Variants in FRMD4A observed in about 807,000 individuals in gnomAD.
FRMD4A encodes the protein FERM domain containing 4A.
Under a neutral mutation model 129.1 loss-of-function variants are expected in FRMD4A, and 29 were observed. The ratio of observed to expected loss-of-function variants is 0.22; its 90% CI spans 0.17 to 0.31. FRMD4A has a LOEUF of 0.31. FRMD4A is among the 10% of genes least tolerant of loss of function. The pLI is 1.00. For synonymous variants in FRMD4A, 634 were observed against 571.6 expected, an observed-to-expected ratio of 1.11 and a Z score of -1.56; for missense variants, 1,272 against 1,375.8, an observed-to-expected ratio of 0.92 and a Z score of 1.19.
intron 6 of FRMD4A, among the ~76,000 whole-genome samples, chr10:13,769,556 C>A (rs1284952987): frequency 1.3e-5 from 2 of 152,016 alleles, no homozygotes; most frequent in Admixed American, 1.3e-4. Flanking sequence ...GTGATCCACC[C>A]ACCTCGGCCT....
chr10:14,061,536 T>C (rs1001628429), intron 2 of FRMD4A, among the ~76,000 whole-genome samples: 5 of 152,188 alleles, frequency 3.3e-5, no homozygotes, highest in Non-Finnish European at 4.4e-5. Context: ...GCTCATGACG[T>C]AAACCTAAGT....
intron 2 of FRMD4A, among the ~76,000 whole-genome samples, chr10:14,094,273 G>T (rs1294273013): frequency 6.6e-6 from 1 of 152,226 alleles, no homozygotes; most frequent in Non-Finnish European, 1.5e-5. Context: ...TAAGGGCTTG[G>T]TATAGAGAAA....
chr10:14,104,471 C>T (rs1460287685), intron 2 of FRMD4A, among the ~76,000 whole-genome samples: 1 of 152,222 alleles, frequency 6.6e-6, no homozygotes, highest in Non-Finnish European at 1.5e-5. Context: ...AAGCGGGTTT[C>T]CTTTCTTTCC....
At chr10:13,858,277 T>C (rs1349662966) in intron 3 of FRMD4A, among the ~76,000 whole-genome samples, 1 of 151,958 alleles carries the variant, frequency 6.6e-6, no homozygotes, top group Non-Finnish European at 1.5e-5. Flanking sequence ...CAACTAAAAA[T>C]ATAAAAAATT....
At chr10:13,726,577 G>A (rs1481091304) in intron 12 of FRMD4A, among the ~76,000 whole-genome samples, 4 of 152,140 alleles carry the variant, frequency 2.6e-5, no homozygotes, top group East Asian at 1.9e-4. Flanking sequence ...ATTAGATTGC[G>A]GAGTCCCATC....
At chr10:14,189,846 A>G (rs1312587450) in intron 2 of FRMD4A, among the ~76,000 whole-genome samples, 1 of 152,220 alleles carries the variant, frequency 6.6e-6, no homozygotes, top group Admixed American at 6.5e-5. Context: ...GAACAATGGC[A>G]AAAGTGTTGG....
At chr10:14,185,115 T>G (rs1432288190) in intron 2 of FRMD4A, among the ~76,000 whole-genome samples, 2 of 152,232 alleles carry the variant, frequency 1.3e-5, no homozygotes, top group African/African-American at 2.4e-5. Context: ...TTTGCCAATG[T>G]CTGTGTCTGA....
At chr10:13,661,934 A>G (rs10737075) in intron 19 of FRMD4A, among the ~76,000 whole-genome samples, 121,579 of 152,022 alleles carry the variant, frequency 0.8, 48,920 homozygotes, top group East Asian at 0.87. Context: ...TTGCCCTCAA[A>G]TCAGTAAAGG....
intron 2 of FRMD4A, among the ~76,000 whole-genome samples, chr10:13,989,755 A>G (rs1232776728): frequency 6.6e-6 from 1 of 152,250 alleles, no homozygotes; most frequent in Non-Finnish European, 1.5e-5. Flanking sequence ...CAGAGGGCAG[A>G]GAGATGGGAG....
intron 3 of FRMD4A, among the ~76,000 whole-genome samples, chr10:13,829,920 G>A (rs1042064092): frequency 6.6e-6 from 1 of 152,204 alleles, no homozygotes; most frequent in Non-Finnish European, 1.5e-5. Flanking sequence ...TGACCTTGAA[G>A]ACTTTTCAGG....
intron 2 of FRMD4A, among the ~76,000 whole-genome samples, chr10:14,089,630 C>CAAAAAAAAAAAAAAAAAAAAAAAAAAAA (rs59553317): frequency 7.6e-6 from 1 of 130,806 alleles, no homozygotes; most frequent in East Asian, 2.3e-4. Context: ...AAAAAAAAAA[C>CAAAAAAAAAAAAAAAAAAAAAAAAAAAA]AAAAAAAAAC....
Position 14,092,268 on chromosome 10 carries a change from T to C in FRMD4A, c.46-233356A>G, listed in dbSNP as rs145900755. Among the ~76,000 whole-genome samples the C allele has an allele frequency of 5.3e-3, 813 of 152,328 alleles. 6 individuals are homozygous for C. The highest frequency in any genetic ancestry group is 0.017 in the African/African-American group (696 of 41,568). On this transcript the variant is annotated intron_variant, in intron 2 of 24. Coordinates refer to ENST00000357447, the MANE Select transcript of FRMD4A (RefSeq NM_018027.5). ...GGGTAAATACTCAGCACTCGGGTTC[T>C]ATTCTCCTATTGAATAAAGGCAGCA... is the stretch of plus-strand genomic sequence containing the variant.
intron 2 of FRMD4A, among the ~76,000 whole-genome samples, chr10:13,945,085 C>A (rs1278902769): frequency 6.6e-6 from 1 of 152,174 alleles, no homozygotes; most frequent in Non-Finnish European, 1.5e-5. Context: ...GAGAAATAGA[C>A]CCAGGCCTGG....
chr10:14,163,099 C>G (rs1840992040), intron 2 of FRMD4A, among the ~76,000 whole-genome samples: 1 of 152,050 alleles, frequency 6.6e-6, no homozygotes, highest in Non-Finnish European at 1.5e-5. Flanking sequence ...TTTGAGTTCT[C>G]AATGCTAATT....
rs774844638 is a variant in FRMD4A, at chr10:13,657,518, C to T, written c.2071G>A (p.Val691Met). The T allele has an allele frequency of 1.3e-6, 2 of 1,580,986 alleles. No homozygotes were observed. The highest frequency in any genetic ancestry group is 1.3e-5 in the African/African-American group (1 of 74,350). The part of the protein sequence containing the change: ...SPHYVHSTRS[V>M]DISPTRLHSL... Reference sequence around the variant, plus strand: ...TGCAGTCGGGTGGGGCTGATGTCCACCGACCTGCCGGGAGACGACCCGGGT... The same window carrying T: ...TGCAGTCGGGTGGGGCTGATGTCCATCGACCTGCCGGGAGACGACCCGGGT... Residue 691 changes from valine to methionine, a missense_variant, in exon 22 of 25, where the codon GTG becomes ATG. Physicochemically the swap from Val to Met is conservative, Grantham distance 21. This residue lies in a region of FRMD4A where 972 missense variants were observed against 892.3 expected (regional missense o/e 1.09). Transcript: ENST00000357447.
At chr10:13,899,613 T>C (rs1016374573) in intron 2 of FRMD4A, among the ~76,000 whole-genome samples, 1 of 152,118 alleles carries the variant, frequency 6.6e-6, no homozygotes, top group Non-Finnish European at 1.5e-5. Flanking sequence ...CAGTGAGCTA[T>C]GATCATACCA....
intron 2 of FRMD4A, chr10:13,991,667 G>A (rs7903594): frequency 0.29 from 43,741 of 152,608 alleles, 7,426 homozygotes; most frequent in East Asian, 0.73. Context: ...TTGGGACAAT[G>A]CGTTCTGCCA....
intron 12 of FRMD4A, among the ~76,000 whole-genome samples, chr10:13,728,427 T>A (rs73583661): frequency 1.1e-5 from 1 of 90,120 alleles, no homozygotes; most frequent in African/African-American, 3.4e-5. Context: ...AGAAGCAAAC[T>A]CAAGTCAGTT....
intron 2 of FRMD4A, among the ~76,000 whole-genome samples, chr10:13,910,548 A>G (rs2094929963): frequency 6.6e-6 from 1 of 152,260 alleles, no homozygotes; most frequent in South Asian, 2.1e-4. Context: ...AGCGATGGTT[A>G]ACTGGGACAC....
Sources: allele counts gnomAD v4.1 joint callset (sites outside exome capture counted in the v4.1 genomes callset), GRCh38; gene constraint gnomAD v4.1.1; regional missense constraint gnomAD v4.1.1; transcripts MANE v1.5; gene names NCBI Gene and HGNC (gene_info 2026-07-23, HGNC 2026-07-21).